YLPM1: variants seen among roughly 807,000 people sequenced by gnomAD.
YLPM1 encodes the protein YLP motif containing 1.
YLPM1 carries 99 observed loss-of-function variants against 230.0 expected under a neutral mutation model. The observed-to-expected ratio is 0.43, with a 90% CI of 0.37 to 0.51. The LOEUF is 0.51. YLPM1 is among the 20% of genes least tolerant of loss of function. The probability of loss-of-function intolerance (pLI) is 0.00; values close to 1 mark genes in which losing one functional copy is unlikely to be tolerated. For missense variants in YLPM1, 2,592 were observed against 2,707.7 expected (o/e 0.96, Z 0.95); for synonymous variants, 984 against 942.5 (o/e 1.04, Z -0.81).
intron 1 of YLPM1, among the ~76,000 whole-genome samples, chr14:74,767,564 C>T (rs1207475152): frequency 2.6e-5 from 4 of 152,182 alleles, no homozygotes. Context: ...CTGACCTCTA[C>T]CCATTAGATG....
At chr14:74,779,630 C>G (rs1238950181) in intron 2 of YLPM1, among the ~76,000 whole-genome samples, 3 of 138,226 alleles carry the variant, frequency 2.2e-5, no homozygotes, top group African/African-American at 5.5e-5. Flanking sequence ...AGGTCTATAA[C>G]TTAAGGTTCA....
chr14:74,797,738 G>A lies in YLPM1; in HGVS notation c.2441G>A (p.Arg814Gln). 4 of 1,613,490 alleles carry A rather than the reference G, an allele frequency of 2.5e-6. No homozygotes were observed. Among genetic ancestry groups the A allele is most frequent in the Admixed American group, 1.7e-5 (1 of 59,986 alleles). The change falls in exon 5 of 21, where the codon CGG becomes CAG. Residue 814 changes from arginine to glutamine, a missense_variant. Arg to Gln is a conservative substitution (Grantham distance 43). Around this residue, in one of 4 missense-constraint regions of YLPM1, gnomAD observed 1,862 missense variants for 1,819.8 expected, o/e 1.02. Transcript: ENST00000325680. ...AAAAGCAAGTGGGGAATGATTCCCC[G>A]GGGGCCAGCATCTCAATTTTATATT... Reference protein sequence around the residue: ...GTKSKWGMIPRGPASQFYITP... With the variant: ...GTKSKWGMIPQGPASQFYITP...
intron 6 of YLPM1, 98 bp downstream of exon 6, chr14:74,802,774 C>T: frequency 7.2e-7 from 1 of 1,393,104 alleles, no homozygotes; most frequent in Non-Finnish European, 9.5e-7. Flanking sequence ...TAACAAATTT[C>T]CTCTATAAAA....
In YLPM1 at chr14:74,763,743, C is replaced by T. The variant is rs757997357; in HGVS notation, c.254C>T (p.Pro85Leu). ...CAGCCCCACCACCTTCCTCCGCCCC[C>T]TCTGCCGCCCCCGCCAGTGATGCCG... ...VLQPHHLPPP[P>L]LPPPPVMPGG... The change falls in exon 1 of 21, where the codon CCT becomes CTT. Residue 85 changes from proline (P) to leucine (L), a missense_variant. Transcript: ENST00000325680. 1 of 1,511,618 alleles carries T rather than the reference C, an allele frequency of 6.6e-7. No individual in the cohort carries two copies. Among genetic ancestry groups the T allele is most frequent in the South Asian group, 1.3e-5 (1 of 74,886 alleles). The allele number at this position is 1,511,618 out of a possible 1,614,324, so 93.6% of individuals were successfully genotyped here. A position where few individuals can be genotyped will look rare whatever the true frequency, so the allele number is the denominator to read the frequency against.
At chr14:74,805,853 C>T (rs1457084148) in intron 6 of YLPM1, among the ~76,000 whole-genome samples, 1 of 135,942 alleles carries the variant, frequency 7.4e-6, no homozygotes, top group Admixed American at 7.7e-5. Context: ...CAGGTGCCTG[C>T]CACCATTCCT....
At chr14:74,765,121 C>G (rs2090898861) in intron 1 of YLPM1, among the ~76,000 whole-genome samples, 1 of 152,148 alleles carries the variant, frequency 6.6e-6, no homozygotes, top group Non-Finnish European at 1.5e-5. Context: ...TTGGTGATAT[C>G]TTTTCATGAG....
chr14:74,764,200 G>A lies in YLPM1; in HGVS notation c.711G>A (p.Gln237=). Residue 237 remains glutamine (Q), a synonymous_variant, in exon 1 of 21, where the codon CAG becomes CAA. Transcript: ENST00000325680. ...SSQASPSRPS[Q]GHSKSQLLAP... ...AGGCATCTCCTTCCCGCCCCTCCCA[G>A]GGCCATTCTAAATCCCAACTACTAG... The A allele has an allele frequency of 6.2e-7, 1 of 1,612,686 alleles. No homozygotes were observed.
intron 1 of YLPM1, 80 bp downstream of exon 1, chr14:74,764,442 T>TA: frequency 1.4e-6 from 2 of 1,448,020 alleles, no homozygotes; most frequent in East Asian, 2.5e-5. Context: ...AACCAGTGGT[T>TA]AGTCTAATTC....
chr14:74,818,319 G>A lies in YLPM1; in HGVS notation c.6030+5G>A, dbSNP rs765194403. The A allele has an allele frequency of 3.8e-5, 60 of 1,588,940 alleles. No individual in the cohort carries two copies. Among genetic ancestry groups the A allele is most frequent in the Non-Finnish European group, 4.8e-5 (56 of 1,167,638 alleles). On this transcript the variant is annotated splice_donor_5th_base_variant and intron_variant, in intron 16 of 20. Transcript: ENST00000325680. Reference sequence around the variant, plus strand: ...CAAGATGCTGCTATTGAAGAGGTGAGTATCCTTTGGTTCAAATGCAATGCA... The same window carrying A: ...CAAGATGCTGCTATTGAAGAGGTGAATATCCTTTGGTTCAAATGCAATGCA...
chr14:74,820,847 C>T (rs749797666), intron 16 of YLPM1, among the ~76,000 whole-genome samples: 23 of 152,164 alleles, frequency 1.5e-4, no homozygotes, highest in Non-Finnish European at 2.5e-4. Context: ...GGGAATTGTA[C>T]AGATGGATAT....
intron 6 of YLPM1, among the ~76,000 whole-genome samples, chr14:74,806,995 A>G (rs776876655): frequency 1.3e-5 from 2 of 152,184 alleles, no homozygotes; most frequent in Non-Finnish European, 2.9e-5. Context: ...TGATAGATCT[A>G]CCCAGACTGA....
At position 74,812,690 on chromosome 14, in the gene YLPM1, C is replaced by G. The variant is rs769352518; in HGVS notation, c.5410C>G (p.Pro1804Ala). The G allele has an allele frequency of 2.2e-5, 36 of 1,613,328 alleles. No homozygotes were observed. The South Asian group carries it at 3.7e-4, about 17-fold the overall frequency. Reference sequence around the variant, plus strand: ...GCCAGCTCCTTCACTGAGCCACCAGCCTCCTCCAGCTCCACGAGTCGAGAA... The same window carrying G: ...GCCAGCTCCTTCACTGAGCCACCAGGCTCCTCCAGCTCCACGAGTCGAGAA... ...PLPAPSLSHQPPPAPRVEKKP... is the reference protein window; with the variant it reads ...PLPAPSLSHQAPPAPRVEKKP... Residue 1804 changes from proline (P) to alanine (A), a missense_variant, in exon 11 of 21, where the codon CCT becomes GCT. Coordinates refer to ENST00000325680, the MANE Select transcript of YLPM1 (RefSeq NM_019589.3).
chr14:74,788,670 C>A (rs1358210383), intron 4 of YLPM1, among the ~76,000 whole-genome samples: 1 of 152,016 alleles, frequency 6.6e-6, no homozygotes, highest in Admixed American at 6.6e-5. Flanking sequence ...ATAGTGAGAC[C>A]CTGTCTCTAC....
intron 18 of YLPM1, among the ~76,000 whole-genome samples, chr14:74,826,734 T>C (rs936246156): frequency 6.6e-5 from 10 of 152,228 alleles, no homozygotes; most frequent in African/African-American, 2.4e-4. Flanking sequence ...TGTTGAAGGC[T>C]GCCTGTGGCC....
chr14:74,781,768 A>C lies in YLPM1; in HGVS notation c.1725A>C (p.Pro575=), dbSNP rs2091096042. Residue 575 remains proline, a synonymous_variant, in exon 4 of 21, where the codon CCA becomes CCC. Coordinates refer to ENST00000325680, the MANE Select transcript of YLPM1 (RefSeq NM_019589.3). The part of the protein sequence containing the change: ...MPPSLPTSVP[P]PGMPPSLSSA... ...CTTCTCTACCAACCTCTGTTCCCCC[A>C]CCAGGGATGCCTCCTTCTCTCTCTT... is the stretch of plus-strand genomic sequence containing the variant. The C allele has an allele frequency of 6.4e-7, 1 of 1,573,156 alleles. No individual in the cohort carries two copies. The highest frequency in any genetic ancestry group is 1.6e-5 in the African/African-American group (1 of 61,886).
intron 1 of YLPM1, among the ~76,000 whole-genome samples, chr14:74,770,107 G>A (rs937540384): frequency 1.3e-5 from 2 of 151,730 alleles, no homozygotes; most frequent in African/African-American, 2.4e-5. Flanking sequence ...GTGTGAACCC[G>A]GGAGGCGGAG....
At chr14:74,819,587 TTA>T (rs1420362842) in intron 16 of YLPM1, among the ~76,000 whole-genome samples, 1 of 152,190 alleles carries the variant, frequency 6.6e-6, no homozygotes. Context: ...CATTGTTCTT[TTA>T]TGTGTTTTTA....
At position 74,799,064 on chromosome 14, in the gene YLPM1, A is replaced by G; in HGVS notation, c.3767A>G (p.His1256Arg). 6.2e-7 allele frequency: 1 copy of G among 1,613,928 alleles called. No individual in the cohort carries two copies. Among genetic ancestry groups the G allele is most frequent in the Non-Finnish European group, 8.5e-7 (1 of 1,179,822 alleles). ...DRFSAPPSRS[H>R]DGDRRGPWWD... ...TTCTCAGCACCACCATCTCGGTCTCATGATGGAGATAGGCGAGGCCCTTGG... is the reference window on the plus strand; with the variant it reads ...TTCTCAGCACCACCATCTCGGTCTCGTGATGGAGATAGGCGAGGCCCTTGG... Residue 1256 changes from histidine (H) to arginine (R), a missense_variant, in exon 5 of 21, where the codon CAT becomes CGT. His to Arg is a conservative substitution (Grantham distance 29, BLOSUM62 0). Transcript: ENST00000325680.
rs1594840300 is a variant in YLPM1 at position 74,816,990 on chromosome 14, A to G, written c.5745A>G (p.Lys1915=). The change falls in exon 14 of 21, where the codon AAA becomes AAG. Residue 1915 remains lysine, a synonymous_variant. Coordinates refer to ENST00000325680, the MANE Select transcript of YLPM1 (RefSeq NM_019589.3). Reference sequence around the variant, plus strand: ...AGACTTACCGCACCAGCATGTTCAAAACTTTCAAAAAGACTCTGGATGATG... The same window carrying G: ...AGACTTACCGCACCAGCATGTTCAAGACTTTCAAAAAGACTCTGGATGATG... ...MEETYRTSMF[K]TFKKTLDDGF... is the part of the protein sequence containing the mutation. 1.1e-5 allele frequency: 17 copies of G among 1,610,030 alleles called. No individual in the cohort carries two copies. In the East Asian group the frequency reaches 3.8e-4, roughly 36 times the overall value.
Sources: allele counts gnomAD v4.1 joint callset (sites outside exome capture counted in the v4.1 genomes callset), GRCh38; gene constraint gnomAD v4.1.1; regional missense constraint gnomAD v4.1.1; transcripts MANE v1.5; gene names NCBI Gene and HGNC (gene_info 2026-07-23, HGNC 2026-07-21).